Variants in SEMA6D observed in about 807,000 individuals in gnomAD.
SEMA6D encodes semaphorin-6D.
In SEMA6D, 35 loss-of-function variants were observed where a neutral mutation model predicts 106.6. The observed-to-expected ratio is 0.33, with a 90% CI of 0.25 to 0.44. The LOEUF (loss-of-function observed/expected upper bound fraction) is 0.44. Ranked by LOEUF, SEMA6D falls within the 20% of genes least tolerant of loss-of-function variation. The pLI is 1.00. For synonymous variants in SEMA6D, 499 were observed against 487.7 expected (o/e 1.02, Z -0.31); for missense variants, 1,185 against 1,345.9 (o/e 0.88, Z 1.87).
chr15:47,304,433 TAAAAAAAAAAAAAAA>T (rs56185341), intron 1 of SEMA6D, among the ~76,000 whole-genome samples: 9 of 93,842 alleles, frequency 9.6e-5, no homozygotes, highest in East Asian at 5.0e-4. Flanking sequence ...GCCTTCTAAC[TAAAAAAAAAAAAAAA>T]AAAAAAAAAA....
chr15:47,365,111 G>A (rs780449256), intron 1 of SEMA6D, among the ~76,000 whole-genome samples: 3 of 152,184 alleles, frequency 2.0e-5, no homozygotes, highest in East Asian at 3.9e-4. Context: ...AAAAGGCTCC[G>A]AGAGGATATC....
chr15:47,717,986 C>G (rs372931933), intron 1 of SEMA6D, among the ~76,000 whole-genome samples: 62 of 152,212 alleles, frequency 4.1e-4, no homozygotes, highest in African/African-American at 1.3e-3. Flanking sequence ...ACTGGCAAAG[C>G]TGGCGGCTTA....
intron 3 of SEMA6D, among the ~76,000 whole-genome samples, chr15:47,497,472 C>T (rs1405950457): frequency 6.6e-6 from 1 of 152,080 alleles, no homozygotes; most frequent in Non-Finnish European, 1.5e-5. Flanking sequence ...ATCACATTAA[C>T]ACTGCTATTT....
At chr15:47,353,933 CTT>C (rs1440272163) in intron 1 of SEMA6D, among the ~76,000 whole-genome samples, 2 of 151,862 alleles carry the variant, frequency 1.3e-5, no homozygotes, top group African/African-American at 2.4e-5. Flanking sequence ...AAGAATATAT[CTT>C]AAGATGAGTT....
intron 1 of SEMA6D, among the ~76,000 whole-genome samples, chr15:47,410,323 C>T (rs1325985206): frequency 6.6e-6 from 1 of 152,004 alleles, no homozygotes; most frequent in African/African-American, 2.4e-5. Context: ...CCTCTGGCTT[C>T]TTTGGCTTAA....
intron 1 of SEMA6D, among the ~76,000 whole-genome samples, chr15:47,728,973 T>C (rs1337253767): frequency 6.6e-6 from 1 of 152,232 alleles, no homozygotes; most frequent in Non-Finnish European, 1.5e-5. Context: ...CCTCTCGCCA[T>C]GTAAGGCAGC....
Position 47,530,671 on chromosome 15 carries a change from A to G in SEMA6D, c.-87+60126A>G, listed in dbSNP as rs369633451. On this transcript the variant is annotated intron_variant, in intron 3 of 19. Coordinates refer to the SEMA6D transcript ENST00000558014. Reference sequence around the variant, plus strand: ...GTCTGAAGAGATGATTTTAAGATCAAAGCTTTCCCAAATACAAATCCTAGC... The same window carrying G: ...GTCTGAAGAGATGATTTTAAGATCAGAGCTTTCCCAAATACAAATCCTAGC... Among the ~76,000 whole-genome samples the G allele has an allele frequency of 5.3e-5, 8 of 152,322 alleles. No homozygotes were observed. In the South Asian group the frequency reaches 1.0e-3, roughly 20 times the overall value.
At chr15:47,240,133 C>G (rs2032815266) in intron 1 of SEMA6D, among the ~76,000 whole-genome samples, 1 of 152,074 alleles carries the variant, frequency 6.6e-6, no homozygotes, top group Non-Finnish European at 1.5e-5. Flanking sequence ...TTACCATTCC[C>G]CAGTTGTCCG....
rs1331379876 is a variant in SEMA6D, at chr15:47,760,339, T to C, written c.145T>C (p.Ser49Pro). ...ATATCCGGTTTTTAGAGGACGCCCT[T>C]CAGGCAATGAATCGCAGCACAGGCT... ...RQYPVFRGRPSGNESQHRLDF... is the reference protein window; with the variant it reads ...RQYPVFRGRPPGNESQHRLDF... The change falls in exon 3 of 19, where the codon TCA becomes CCA. Residue 49 changes from serine to proline, a missense_variant. Physicochemically the swap from Ser to Pro is moderately conservative, Grantham distance 74. Coordinates refer to ENST00000536845, the MANE Select transcript of SEMA6D (RefSeq NM_001358351.3). 6.2e-7 allele frequency: 1 copy of C among 1,613,718 alleles called. No homozygotes were observed. Among genetic ancestry groups the C allele is most frequent in the South Asian group, 1.1e-5 (1 of 91,074 alleles).
intron 1 of SEMA6D, among the ~76,000 whole-genome samples, chr15:47,353,351 G>C (rs1442021978): frequency 6.6e-6 from 1 of 152,080 alleles, no homozygotes; most frequent in Non-Finnish European, 1.5e-5. Flanking sequence ...TAGAGCCAAT[G>C]AAATAAAAAT....
intron 1 of SEMA6D, among the ~76,000 whole-genome samples, chr15:47,190,981 G>A (rs1464292651): frequency 6.6e-6 from 1 of 152,054 alleles, no homozygotes; most frequent in Non-Finnish European, 1.5e-5. Context: ...ACCAGCTGTG[G>A]CAACATTCGG....
At chr15:47,641,656 A>G (rs1189973763) in intron 4 of SEMA6D, among the ~76,000 whole-genome samples, 2 of 152,164 alleles carry the variant, frequency 1.3e-5, no homozygotes, top group Non-Finnish European at 1.5e-5. Flanking sequence ...GTTGCAGGAC[A>G]TCACAGGCTC....
At chr15:47,285,234 CTCTG>C (rs2035306901) in intron 1 of SEMA6D, among the ~76,000 whole-genome samples, 2 of 151,804 alleles carry the variant, frequency 1.3e-5, no homozygotes, top group Admixed American at 6.6e-5. Context: ...CTTTCCCCCA[CTCTG>C]TCTCTCTCTC....
At chr15:47,578,271 A>C (rs1014144172) in intron 3 of SEMA6D, among the ~76,000 whole-genome samples, 1 of 152,230 alleles carries the variant, frequency 6.6e-6, no homozygotes, top group Non-Finnish European at 1.5e-5. Flanking sequence ...ATAGGAAAAT[A>C]AAATTACACT....
chr15:47,479,800 A>C (rs2141280888), intron 3 of SEMA6D, among the ~76,000 whole-genome samples: 1 of 152,124 alleles, frequency 6.6e-6, no homozygotes, highest in South Asian at 2.1e-4. Context: ...GACAAATGTA[A>C]GTGGTTTGCA....
intron 2 of SEMA6D, among the ~76,000 whole-genome samples, chr15:47,459,288 T>A (rs1020505241): frequency 6.6e-6 from 1 of 152,042 alleles, no homozygotes; most frequent in Non-Finnish European, 1.5e-5. Context: ...CAACAGCCTG[T>A]AGAAAGCCAG....
chr15:47,352,918 G>A (rs888374979), intron 1 of SEMA6D, among the ~76,000 whole-genome samples: 1 of 152,148 alleles, frequency 6.6e-6, no homozygotes, highest in Admixed American at 6.5e-5. Context: ...TTCATGAAAC[G>A]GTTGTTGAAT....
At chr15:47,480,854 G>A (rs1252766646) in intron 3 of SEMA6D, among the ~76,000 whole-genome samples, 3 of 152,048 alleles carry the variant, frequency 2.0e-5, no homozygotes, top group Non-Finnish European at 4.4e-5. Flanking sequence ...TTCTTCCCCT[G>A]GTGAACTCGT....
At chr15:47,229,761 G>A (rs542435490) in intron 1 of SEMA6D, among the ~76,000 whole-genome samples, 1 of 152,186 alleles carries the variant, frequency 6.6e-6, no homozygotes, top group East Asian at 1.9e-4. Flanking sequence ...AACCTTTGAA[G>A]TCTGACCATC....
Sources: allele counts gnomAD v4.1 joint callset (sites outside exome capture counted in the v4.1 genomes callset), GRCh38; gene constraint gnomAD v4.1.1; transcripts MANE v1.5; gene names NCBI Gene and HGNC (gene_info 2026-07-23, HGNC 2026-07-21).